The following XKR4 variants were observed in gnomAD, a reference collection of about 807,000 sequenced individuals.
XKR4 encodes XK-related protein 4.
Under a neutral mutation model 53.9 loss-of-function variants are expected in XKR4, and 12 were observed. That is an observed-to-expected ratio of 0.22 (90% CI 0.14 to 0.36). The LOEUF is 0.36. XKR4 is among the 10% of genes least tolerant of loss of function. XKR4 has a pLI of 1.00. For missense variants in XKR4, 799 were observed against 859.5 expected, an observed-to-expected ratio of 0.93 and a Z score of 0.88; for synonymous variants, 354 against 362.4, an observed-to-expected ratio of 0.98 and a Z score of 0.26.
At chr8:55,461,435 A>G (rs1396996203) in intron 2 of XKR4, among the ~76,000 whole-genome samples, 1 of 152,238 alleles carries the variant, frequency 6.6e-6, no homozygotes, top group Admixed American at 6.5e-5. Flanking sequence ...AAGGAAAACT[A>G]ACAAACAGAA....
intron 1 of XKR4, among the ~76,000 whole-genome samples, chr8:55,216,760 G>A (rs1346885104): frequency 1.3e-5 from 2 of 148,414 alleles, no homozygotes; most frequent in African/African-American, 2.5e-5. Flanking sequence ...GCCACAAAAC[G>A]TTGATGAGTT....
chr8:55,110,861 T>C (rs72651834), intron 1 of XKR4, among the ~76,000 whole-genome samples: 4,953 of 152,270 alleles, frequency 0.033, 107 homozygotes, highest in Middle Eastern at 0.051. Flanking sequence ...ACCACCACCA[T>C]CATCACTGTA....
At chr8:55,384,142 A>C (rs1038188935) in intron 2 of XKR4, among the ~76,000 whole-genome samples, 2 of 152,220 alleles carry the variant, frequency 1.3e-5, no homozygotes, top group African/African-American at 4.8e-5. Context: ...ATGGCAAAGC[A>C]CAGGACGTGT....
At chr8:55,350,890 C>T (rs1803715340) in intron 1 of XKR4, among the ~76,000 whole-genome samples, 1 of 151,934 alleles carries the variant, frequency 6.6e-6, no homozygotes, top group African/African-American at 2.4e-5. Context: ...CATGCGTGCG[C>T]CACCACACCT....
Position 55,191,701 on chromosome 8 carries a change from G to T in XKR4, c.806+88407G>T, listed in dbSNP as rs1270454880. Among the ~76,000 whole-genome samples the T allele has an allele frequency of 3.6e-5, 5 of 140,056 alleles. No individual in the cohort carries two copies. The East Asian group carries it at 1.0e-3, about 29-fold the overall frequency. The allele number at this position is 140,056 out of a possible 152,430, so 91.9% of individuals were successfully genotyped here. On this transcript the variant is annotated intron_variant, in intron 1 of 2. Coordinates refer to ENST00000327381, the MANE Select transcript of XKR4 (RefSeq NM_052898.2). ...AGTACAATTCTTTTTTTTTTTTTTG[G>T]GAGTTTCAGAAAGTGTTTTTAATAG...
chr8:55,432,085 C>G (rs1374405601), intron 2 of XKR4, among the ~76,000 whole-genome samples: 1 of 152,178 alleles, frequency 6.6e-6, no homozygotes, highest in East Asian at 1.9e-4. Context: ...TTTCAAATGC[C>G]TTCTCTCTGT....
At position 55,533,825 on chromosome 8, in the gene XKR4, G is replaced by A. The variant is rs1806988858; in HGVS notation, c.*9598G>A. 1 of 152,202 alleles carries A rather than the reference G, an allele frequency of 6.6e-6. No homozygotes were observed. Among genetic ancestry groups the A allele is most frequent in the Non-Finnish European group, 1.5e-5 (1 of 68,030 alleles). The allele number at this position is 152,202 out of a possible 1,614,324, so 9.4% of individuals were successfully genotyped here. A position where few individuals can be genotyped will look rare whatever the true frequency, so the allele number is the denominator to read the frequency against. ...TTCCGTTCAGCCGTAGTACCATGAC[G>A]TGCACAGGCCTGAAGAGAAATACCT... On this transcript the variant is annotated 3_prime_UTR_variant, in exon 3 of 3. Transcript: ENST00000327381.
chr8:55,174,330 G>T (rs2129358898), intron 1 of XKR4, among the ~76,000 whole-genome samples: 1 of 152,260 alleles, frequency 6.6e-6, no homozygotes, highest in Non-Finnish European at 1.5e-5. Flanking sequence ...AAAAGCAGTT[G>T]TTTAAATGGA....
At chr8:55,393,410 G>A (rs1379932235) in intron 2 of XKR4, among the ~76,000 whole-genome samples, 2 of 19,792 alleles carry the variant, frequency 1.0e-4, no homozygotes, top group Admixed American at 3.8e-4. Context: ...TAAGAAGGAA[G>A]GAAGGAAGGA....
At chr8:55,468,247 C>G (rs140404420) in intron 2 of XKR4, among the ~76,000 whole-genome samples, 3 of 152,188 alleles carry the variant, frequency 2.0e-5, no homozygotes, top group African/African-American at 7.2e-5. Context: ...ATGACTTGGT[C>G]GTGGGAAATA....
intron 1 of XKR4, among the ~76,000 whole-genome samples, chr8:55,205,854 C>G (rs111256875): frequency 1.3e-5 from 2 of 152,092 alleles, no homozygotes; most frequent in Non-Finnish European, 2.9e-5. Flanking sequence ...CGCGGACCCT[C>G]GTGGTGAGTG....
At chr8:55,276,244 G>C (rs908601587) in intron 1 of XKR4, among the ~76,000 whole-genome samples, 1 of 152,134 alleles carries the variant, frequency 6.6e-6, no homozygotes, top group Non-Finnish European at 1.5e-5. Context: ...AAAGACATTG[G>C]TTTGGGGATG....
At chr8:55,439,785 A>G (rs990003099) in intron 2 of XKR4, among the ~76,000 whole-genome samples, 3 of 152,250 alleles carry the variant, frequency 2.0e-5, no homozygotes, top group African/African-American at 7.2e-5. Flanking sequence ...AAAGGAAATT[A>G]GAGATAGGCT....
chr8:55,150,467 T>C (rs1190835309), intron 1 of XKR4, among the ~76,000 whole-genome samples: 2 of 152,226 alleles, frequency 1.3e-5, no homozygotes, highest in African/African-American at 4.8e-5. Flanking sequence ...GCAACGATTA[T>C]AGTATGGTTC....
chr8:55,467,440 GTC>G (rs1341818943), intron 2 of XKR4, among the ~76,000 whole-genome samples: 24 of 152,202 alleles, frequency 1.6e-4, no homozygotes, highest in African/African-American at 5.8e-4. Context: ...CATATCCACA[GTC>G]TCTCCCTCAC....
chr8:55,397,643 C>T (rs1378478195), intron 2 of XKR4, among the ~76,000 whole-genome samples: 2 of 151,862 alleles, frequency 1.3e-5, no homozygotes, highest in Non-Finnish European at 2.9e-5. Context: ...CATGCACACA[C>T]ACATGGGTGC....
At chr8:55,437,484 C>T (rs775973756) in intron 2 of XKR4, among the ~76,000 whole-genome samples, 12 of 152,184 alleles carry the variant, frequency 7.9e-5, no homozygotes, top group Non-Finnish European at 1.3e-4. Context: ...CAAGGCTTCC[C>T]TCACTCTAAT....
chr8:55,305,149 C>T (rs1819276797), intron 1 of XKR4, among the ~76,000 whole-genome samples: 1 of 152,124 alleles, frequency 6.6e-6, no homozygotes, highest in South Asian at 2.1e-4. Flanking sequence ...CCTTACATAG[C>T]TATACAAACT....
chr8:55,284,784 T>G (rs1818885105), intron 1 of XKR4, among the ~76,000 whole-genome samples: 1 of 152,142 alleles, frequency 6.6e-6, no homozygotes, highest in Non-Finnish European at 1.5e-5. Flanking sequence ...GAAGGGGAAT[T>G]AGTCTCCACC....
Sources: gnomAD v4.1 joint callset for allele counts (sites outside exome capture counted in the v4.1 genomes callset) on GRCh38, gnomAD v4.1.1 for gene constraint, MANE v1.5 for transcripts, NCBI Gene and HGNC (gene_info 2026-07-23, HGNC 2026-07-21) for gene names.